Variants in TASP1 observed in about 807,000 individuals in gnomAD.
TASP1 encodes the protein threonine aspartase 1.
In TASP1, 16 loss-of-function variants were observed where a neutral mutation model predicts 56.6. The observed-to-expected ratio is 0.28, with a 90% CI of 0.19 to 0.43. The LOEUF is 0.43. TASP1 is among the 20% of genes least tolerant of loss of function. TASP1 has a pLI of 1.00. For synonymous variants in TASP1, 179 were observed against 184.2 expected, an observed-to-expected ratio of 0.97 and a Z score of 0.23; for missense variants, 393 against 511.6, an observed-to-expected ratio of 0.77 and a Z score of 2.24.
At chr20:13,635,158 TG>T (rs1203244565) in intron 1 of TASP1, among the ~76,000 whole-genome samples, 2 of 152,186 alleles carry the variant, frequency 1.3e-5, no homozygotes, top group African/African-American at 4.8e-5. Flanking sequence ...ACATTTTAAA[TG>T]GGTAAACTGA....
In TASP1 at chr20:13,534,051, C is replaced by T; in HGVS notation, c.766G>A (p.Ala256Thr). 6.2e-7 allele frequency: 1 copy of T among 1,613,456 alleles called. No homozygotes were observed. The highest frequency in any genetic ancestry group is 8.5e-7 in the Non-Finnish European group (1 of 1,179,610). Residue 256 changes from alanine (A) to threonine (T), a missense_variant, in exon 9 of 14, where the codon GCC becomes ACC. By Grantham distance (58) the Ala-to-Thr change is moderately conservative (BLOSUM62 0). Coordinates refer to ENST00000337743, the MANE Select transcript of TASP1 (RefSeq NM_017714.3). Reference protein sequence around the residue: ...VAAAVSSGGLALKHPGRVGQA... With the variant: ...VAAAVSSGGLTLKHPGRVGQA... The stretch of plus-strand genomic sequence containing the variant: ...CCAACTCTCCCCGGATGTTTCAAGG[C>T]CAAGCCTCCACTGGAGACAGCAGCA...
chr20:13,367,910 C>A, the TASP1 span, among the ~76,000 whole-genome samples: 1,825 of 152,246 alleles, frequency 0.012, 17 homozygotes, highest in Non-Finnish European at 0.021. Flanking sequence ...CCAGCTACCC[C>A]GGAGCTATGA....
chr20:13,226,469 C>T, the TASP1 span, among the ~76,000 whole-genome samples: 1 of 152,042 alleles, frequency 6.6e-6, no homozygotes, highest in East Asian at 1.9e-4. Flanking sequence ...GCAGAACAAA[C>T]CACCCTAAAA....
the TASP1 span, among the ~76,000 whole-genome samples, chr20:13,216,554 C>T: frequency 9.9e-4 from 150 of 152,226 alleles, no homozygotes; most frequent in African/African-American, 3.5e-3. Context: ...ACCTTACAGC[C>T]CACAAAGACA....
the TASP1 span, chr20:13,160,276 C>A: frequency 1.0e-6 from 1 of 982,528 alleles, no homozygotes; most frequent in Non-Finnish European, 1.4e-6. Context: ...TGCCAAAAAA[C>A]AAGAGCTCGT....
At chr20:13,193,702 G>C in the TASP1 span, among the ~76,000 whole-genome samples, 1 of 152,176 alleles carries the variant, frequency 6.6e-6, no homozygotes, top group Non-Finnish European at 1.5e-5. Flanking sequence ...TCATCAAGGA[G>C]CCAGACTACC....
At chr20:13,438,675 A>G (rs1226200602) in intron 11 of TASP1, among the ~76,000 whole-genome samples, 2 of 152,240 alleles carry the variant, frequency 1.3e-5, no homozygotes, top group Non-Finnish European at 2.9e-5. Flanking sequence ...TAATCTAAAG[A>G]GCTTCTGCAC....
the TASP1 span, among the ~76,000 whole-genome samples, chr20:13,143,790 A>G: frequency 6.6e-6 from 1 of 152,220 alleles, no homozygotes; most frequent in South Asian, 2.1e-4. Flanking sequence ...TCAAGGAACC[A>G]CATTAACACA....
the TASP1 span, among the ~76,000 whole-genome samples, chr20:13,348,128 C>T: frequency 5.8e-4 from 88 of 152,122 alleles, no homozygotes; most frequent in Non-Finnish European, 1.2e-3. Flanking sequence ...ACAAAATACC[C>T]TACAATGCAT....
At chr20:13,571,251 A>G (rs1380907066) in intron 6 of TASP1, among the ~76,000 whole-genome samples, 4 of 152,174 alleles carry the variant, frequency 2.6e-5, no homozygotes, top group Non-Finnish European at 5.9e-5. Context: ...CCTCAACATA[A>G]AAAAGTATTG....
chr20:13,362,288 A>T, the TASP1 span, among the ~76,000 whole-genome samples: 92 of 151,972 alleles, frequency 6.1e-4, no homozygotes, highest in South Asian at 0.019. Context: ...TGTGACTTGC[A>T]CGTATATGCC....
chr20:13,312,065 T>C, the TASP1 span, among the ~76,000 whole-genome samples: 1 of 88,816 alleles, frequency 1.1e-5, no homozygotes, highest in Non-Finnish European at 2.5e-5. Context: ...AGTTAAGAAT[T>C]AATTAACTTT....
At chr20:13,452,081 C>T (rs2043642731) in intron 11 of TASP1, among the ~76,000 whole-genome samples, 1 of 151,994 alleles carries the variant, frequency 6.6e-6, no homozygotes, top group Non-Finnish European at 1.5e-5. Context: ...CAGTTTGTGG[C>T]ACCCCAAAAC....
At chr20:13,359,013 C>CT in the TASP1 span, among the ~76,000 whole-genome samples, 8 of 150,698 alleles carry the variant, frequency 5.3e-5, no homozygotes, top group Non-Finnish European at 7.4e-5. Flanking sequence ...AACCCCTTCT[C>CT]CTTCACCCTT....
the TASP1 span, among the ~76,000 whole-genome samples, chr20:13,224,672 T>G: frequency 6.6e-6 from 1 of 152,274 alleles, no homozygotes; most frequent in East Asian, 1.9e-4. Context: ...TTACCTGAAT[T>G]GTAGTATGTT....
chr20:13,306,564 C>CAAAAAAAAAAAAAAAAAAAAAAA, the TASP1 span, among the ~76,000 whole-genome samples: 15 of 63,908 alleles, frequency 2.3e-4, no homozygotes, highest in Admixed American at 2.2e-4. Context: ...GGAGAAAGGA[C>CAAAAAAAAAAAAAAAAAAAAAAA]AAAAAAAAAA....
At chr20:13,417,976 A>G (rs1297735174) in intron 12 of TASP1, among the ~76,000 whole-genome samples, 4 of 152,182 alleles carry the variant, frequency 2.6e-5, no homozygotes, top group African/African-American at 9.7e-5. Context: ...GCAATGGCGC[A>G]ATCCCAGCTC....
the TASP1 span, among the ~76,000 whole-genome samples, chr20:13,266,863 T>C: frequency 6.6e-6 from 1 of 152,180 alleles, no homozygotes; most frequent in Non-Finnish European, 1.5e-5. Context: ...CGTGGAATAC[T>C]CAGTGAGTGA....
chr20:13,283,171 G>C, the TASP1 span, among the ~76,000 whole-genome samples: 1 of 152,136 alleles, frequency 6.6e-6, no homozygotes. Flanking sequence ...CTCCAAAAGT[G>C]CTGGGATTTT....
Sources: allele counts gnomAD v4.1 joint callset (sites outside exome capture counted in the v4.1 genomes callset), GRCh38; gene constraint gnomAD v4.1.1; transcripts MANE v1.5; gene names NCBI Gene and HGNC (gene_info 2026-07-23, HGNC 2026-07-21).